The following CROCC variants were observed in gnomAD, a reference collection of about 807,000 sequenced individuals.
CROCC encodes ciliary rootlet coiled-coil, rootletin, also known as rootletin.
CROCC carries 180 observed loss-of-function variants against 245.2 expected under a neutral mutation model. The observed-to-expected ratio is 0.73, with a 90% confidence interval of 0.65 to 0.83. CROCC has a LOEUF of 0.83. CROCC is among the 40% of genes least tolerant of loss of function. The pLI, the probability that CROCC is intolerant of heterozygous loss-of-function variation, is 0.00. For missense variants in CROCC, 2,688 were observed against 2,779.4 expected, an observed-to-expected ratio of 0.97 and a Z score of 0.74; for synonymous variants, 1,205 against 1,241.6, an observed-to-expected ratio of 0.97 and a Z score of 0.62.
intron 3 of CROCC, among the ~76,000 whole-genome samples, chr1:16,929,406 G>T (rs1360812536): frequency 6.6e-6 from 1 of 151,762 alleles, no homozygotes; most frequent in African/African-American, 2.4e-5. Context: ...CACCATTCTA[G>T]TACTAAGATA....
chr1:16,969,562 G>C (rs982516043), intron 32 of CROCC, among the ~76,000 whole-genome samples: 1 of 152,178 alleles, frequency 6.6e-6, no homozygotes, highest in Non-Finnish European at 1.5e-5. Flanking sequence ...GTATAGACTT[G>C]GGGGGACCCA....
intron 13 of CROCC, chr1:16,941,001 C>A (rs6586578): frequency 3.4e-6 from 1 of 297,788 alleles, no homozygotes; most frequent in Non-Finnish European, 6.8e-6. Context: ...ATCTCAGCCT[C>A]GAGGATAGTA....
At position 16,929,961 on chromosome 1, in the gene CROCC, G is replaced by A. The variant is rs760213919; in HGVS notation, c.467G>A (p.Arg156Gln). 2.1e-5 allele frequency: 33 copies of A among 1,585,716 alleles called. No individual in the cohort carries two copies. The highest frequency in any genetic ancestry group is 3.4e-5 in the South Asian group (3 of 86,992). Residue 156 changes from arginine (R) to glutamine (Q), a missense_variant, in exon 4 of 37, where the codon CGG becomes CAG. Transcript: ENST00000375541. ...RQLQEEQASYRRKLQAYQEGQ... is the reference protein window; with the variant it reads ...RQLQEEQASYQRKLQAYQEGQ... ...CTGCAGGAGGAGCAGGCCTCCTACC[G>A]GCGCAAGCTGCAGGCCTACCAGGAG...
At position 16,946,323 on chromosome 1, in the gene CROCC, T is replaced by G. The variant is rs2076045363; in HGVS notation, c.2201T>G (p.Leu734Arg). 4.3e-6 allele frequency: 7 copies of G among 1,613,548 alleles called. No individual in the cohort carries two copies. The highest frequency in any genetic ancestry group is 5.9e-6 in the Non-Finnish European group (7 of 1,179,972). Residue 734 changes from leucine (L) to arginine (R), a missense_variant, in exon 16 of 37, where the codon CTG becomes CGG. Leu to Arg is a moderately radical substitution (Grantham distance 102). Around this residue, in one of 9 missense-constraint regions of CROCC, gnomAD observed 295 missense variants for 241.7 expected, o/e 1.22. Coordinates refer to ENST00000375541, the MANE Select transcript of CROCC (RefSeq NM_014675.5). ...MTKLRAEEAS[L>R]QDSLSKLSAL... ...AAGCTGAGGGCAGAGGAGGCCTCCC[T>G]GCAGGACTCCCTGTCCAAGCTGAGC...
rs763322224 is a variant in CROCC at position 16,936,682 on chromosome 1, T to C, written c.1002T>C (p.Ala334=). ...GGGAGCTGGCCCGGACATCACGAGC[T>C]GTCCAGGAGGCGGGCCTGGGACTGA... The part of the protein sequence containing the change: ...LGGELARTSR[A]VQEAGLGLST... The change falls in exon 9 of 37, where the codon GCT becomes GCC. Residue 334 remains alanine, a synonymous_variant. Coordinates refer to ENST00000375541, the MANE Select transcript of CROCC (RefSeq NM_014675.5). 2.2e-5 allele frequency: 36 copies of C among 1,600,770 alleles called. No individual in the cohort carries two copies. Among genetic ancestry groups the C allele is most frequent in the Non-Finnish European group, 2.4e-5 (28 of 1,173,964 alleles).
Position 16,961,013 on chromosome 1 carries a change from G to T in CROCC, c.4288G>T (p.Glu1430Ter). The T allele has an allele frequency of 7.7e-7, 1 of 1,304,118 alleles. No homozygotes were observed. The highest frequency in any genetic ancestry group is 9.7e-7 in the Non-Finnish European group (1 of 1,033,254). 80.8% of individuals were successfully genotyped at this position (1,304,118 alleles called of 1,614,324 possible). Residue 1430 changes from glutamate to a stop codon, truncating the protein, a stop_gained, in exon 27 of 37, where the codon GAG (glutamate) becomes TAG (stop). Transcript: ENST00000375541. LOFTEE classifies it high-confidence loss of function. The stretch of plus-strand genomic sequence containing the variant: ...CGTGGAGGTGCAGCGGCGCGCGGCG[G>T]AGGCCCAGCTGGGTGGCCTGCGCTC... ...ARVEVQRRAAEAQLGGLRSAL... is the reference protein window; with the variant it reads ...ARVEVQRRAA
chr1:16,931,923 ATT>A (rs376677756), intron 8 of CROCC, among the ~76,000 whole-genome samples: 116 of 147,618 alleles, frequency 7.9e-4, no homozygotes, highest in East Asian at 1.8e-3. Flanking sequence ...CACCCAGCTA[ATT>A]TTTTTTTTTT....
chr1:16,970,899 AC>A, intron 35 of CROCC, 132 bp downstream of exon 35: 1 of 1,135,608 alleles, frequency 8.8e-7, no homozygotes, highest in Non-Finnish European at 1.2e-6. Flanking sequence ...CCTTCCAGTG[AC>A]CCAGCGGGCC....
intron 27 of CROCC, 77 bp downstream of exon 27, chr1:16,961,207 GTTT>G: frequency 5.0e-6 from 6 of 1,205,626 alleles, no homozygotes; most frequent in Non-Finnish European, 5.2e-6. Flanking sequence ...ATGGCAGGGT[GTTT>G]TTGTTTTTGT....
At chr1:16,920,019 G>C (rs1282819821), upstream of CROCC, among the ~76,000 whole-genome samples, 1 of 152,220 alleles carries the variant, frequency 6.6e-6, no homozygotes, top group Non-Finnish European at 1.5e-5. Flanking sequence ...AGCCTCCTGA[G>C]TAGCTAGGAT....
chr1:16,956,392 G>A (rs1403913691), intron 25 of CROCC, among the ~76,000 whole-genome samples: 1 of 152,220 alleles, frequency 6.6e-6, no homozygotes, highest in Non-Finnish European at 1.5e-5. Flanking sequence ...TTTCTGCAAG[G>A]AGAGGAGCTG....
intron 7 of CROCC, 86 bp downstream of exon 7, chr1:16,930,680 A>AGAGGGAGCATTGTCC (rs2075654954): frequency 3.5e-6 from 4 of 1,148,544 alleles, no homozygotes; most frequent in East Asian, 2.9e-5. Flanking sequence ...CTGGAGAGGG[A>AGAGGGAGCATTGTCC]GAGGGAGCAC....
chr1:16,924,564 G>C lies in CROCC; in HGVS notation c.351+85G>C, dbSNP rs1317165401. 10 of 1,514,528 alleles carry C rather than the reference G, an allele frequency of 6.6e-6. No individual in the cohort carries two copies. The African/African-American group carries it at 8.2e-5, about 12-fold the overall frequency. 93.8% of individuals were successfully genotyped at this position (1,514,528 alleles called of 1,614,324 possible). A position where few individuals can be genotyped will look rare whatever the true frequency, so the allele number is the denominator to read the frequency against. On this transcript the variant is annotated intron_variant, in intron 3 of 36. Transcript: ENST00000375541. Reference sequence around the variant, plus strand: ...CATCTAGACCAGGCCCACACACGGGGCAAAAGATGGGCCCTGGAGTCAGGT... The same window carrying C: ...CATCTAGACCAGGCCCACACACGGGCCAAAAGATGGGCCCTGGAGTCAGGT...
chr1:16,948,633 G>A, intron 18 of CROCC, 109 bp downstream of exon 18: 15 of 1,487,090 alleles, frequency 1.0e-5, no homozygotes, highest in Non-Finnish European at 1.3e-5. Flanking sequence ...AAGGAGTCTG[G>A]CTTGCCGACT....
Position 16,961,138 on chromosome 1 carries a change from C to T in CROCC, c.4405+8C>T. ...GGGACGCACCCGCAGAAGGTAAGGGCAGTGCCGCGCGCAGGGAAGGGGGGA... is the reference window on the plus strand; with the variant it reads ...GGGACGCACCCGCAGAAGGTAAGGGTAGTGCCGCGCGCAGGGAAGGGGGGA... On this transcript the variant is annotated splice_region_variant and intron_variant, in intron 27 of 36. Coordinates refer to ENST00000375541, the MANE Select transcript of CROCC (RefSeq NM_014675.5). 8 of 1,316,162 alleles carry T rather than the reference C, an allele frequency of 6.1e-6. No homozygotes were observed. The highest frequency in any genetic ancestry group is 7.7e-6 in the Non-Finnish European group (8 of 1,034,684). 81.5% of individuals were successfully genotyped at this position (1,316,162 alleles called of 1,614,324 possible). A position where few individuals can be genotyped will look rare whatever the true frequency, so the allele number is the denominator to read the frequency against.
upstream of CROCC, among the ~76,000 whole-genome samples, chr1:16,921,606 G>A (rs1183187749): frequency 6.6e-6 from 1 of 152,256 alleles, no homozygotes; most frequent in African/African-American, 2.4e-5. Context: ...GGCCTTTCCC[G>A]CCGCATGGCT....
rs1557602841 is a variant in CROCC, at chr1:16,940,096, G to A, written c.1808+3G>A. 1.3e-6 allele frequency: 2 copies of A among 1,598,100 alleles called. No homozygotes were observed. The highest frequency in any genetic ancestry group is 1.1e-5 in the South Asian group (1 of 89,312). On this transcript the variant is annotated splice_donor_region_variant and intron_variant, in intron 13 of 36. Coordinates refer to ENST00000375541, the MANE Select transcript of CROCC (RefSeq NM_014675.5). ...AGCGCCAACGAGCTCCTGAGCAGGTGCCGGGGAGGTCTGAGCTGGGGGGTA... is the reference window on the plus strand; with the variant it reads ...AGCGCCAACGAGCTCCTGAGCAGGTACCGGGGAGGTCTGAGCTGGGGGGTA...
chr1:16,935,598 G>A (rs746717921), intron 8 of CROCC, among the ~76,000 whole-genome samples: 1 of 152,260 alleles, frequency 6.6e-6, no homozygotes, highest in Non-Finnish European at 1.5e-5. Context: ...TTTTGTTTTT[G>A]TATTCTTAAT....
intron 34 of CROCC, 23 bp downstream of exon 34, chr1:16,970,476 C>A (rs756747412): frequency 9.5e-5 from 146 of 1,543,508 alleles, no homozygotes; most frequent in Middle Eastern, 2.1e-4. Flanking sequence ...CCAGGCTCTC[C>A]CCTCACTTCC....
Sources: allele counts gnomAD v4.1 joint callset (sites outside exome capture counted in the v4.1 genomes callset), GRCh38; gene constraint gnomAD v4.1.1; regional missense constraint gnomAD v4.1.1; transcripts MANE v1.5; gene names NCBI Gene and HGNC (gene_info 2026-07-23, HGNC 2026-07-21).